TENT2: variants seen among roughly 807,000 people sequenced by gnomAD.
The protein encoded by TENT2 is terminal nucleotidyltransferase 2, also known as poly(A) RNA polymerase GLD2.
In TENT2, 44 loss-of-function variants were observed where a neutral mutation model predicts 72.2. The ratio of observed to expected loss-of-function variants is 0.61; its 90% CI spans 0.48 to 0.78. The LOEUF is 0.78. Ranked by LOEUF, TENT2 falls within the 30% of genes least tolerant of loss-of-function variation. The pLI, the probability that TENT2 is intolerant of heterozygous loss-of-function variation, is 0.00. For missense variants in TENT2, 541 were observed against 569.6 expected, an observed-to-expected ratio of 0.95 and a Z score of 0.51; for synonymous variants, 212 against 192.5, an observed-to-expected ratio of 1.10 and a Z score of -0.84.
Position 79,641,130 on chromosome 5 carries a change from C to G in TENT2, c.606C>G (p.Ser202=), listed in dbSNP as rs983421006. 95 of 1,568,906 alleles carry G rather than the reference C, an allele frequency of 6.1e-5. No individual in the cohort carries two copies. In the East Asian group the frequency reaches 2.2e-3, roughly 36 times the overall value. The change falls in exon 6 of 15, where the codon TCC becomes TCG. Residue 202 remains serine (S), a synonymous_variant. Coordinates refer to ENST00000453514, the MANE Select transcript of TENT2 (RefSeq NM_001114394.3). ...AAAGCAGACTTTTTTTGGTTGGGTCCTCTTTAAATGGATTTGGTACCCGGA... is the reference window on the plus strand; with the variant it reads ...AAAGCAGACTTTTTTTGGTTGGGTCGTCTTTAAATGGATTTGGTACCCGGA... ...FPQSRLFLVG[S]SLNGFGTRSS...
At chr5:79,651,632 A>T (rs543722432) in intron 10 of TENT2, among the ~76,000 whole-genome samples, 1 of 152,034 alleles carries the variant, frequency 6.6e-6, no homozygotes, top group Non-Finnish European at 1.5e-5. Context: ...ACAGCTTAGT[A>T]ACCTTTCCTC....
Position 79,685,417 on chromosome 5 carries a change from C to T in TENT2, c.*144C>T, listed in dbSNP as rs1193788178. On this transcript the variant is annotated 3_prime_UTR_variant, in exon 15 of 15. Transcript: ENST00000453514. ...TTTTTAAAAAGACATATAAAGATTG[C>T]ATATTTTATTATGACATTTCCTAAT... 1.8e-5 allele frequency: 9 copies of T among 504,540 alleles called. No homozygotes were observed. The highest frequency in any genetic ancestry group is 8.2e-5 in the Admixed American group (2 of 24,410). The allele number at this position is 504,540 out of a possible 1,614,324, so 31.3% of individuals were successfully genotyped here. A position where few individuals can be genotyped will look rare whatever the true frequency, so the allele number is the denominator to read the frequency against.
At chr5:79,683,471 C>G (rs1004638371) in intron 14 of TENT2, among the ~76,000 whole-genome samples, 1 of 152,004 alleles carries the variant, frequency 6.6e-6, no homozygotes, top group Non-Finnish European at 1.5e-5. Context: ...GATTGTGCCA[C>G]CGCACTCCAG....
intron 1 of TENT2, among the ~76,000 whole-genome samples, chr5:79,619,268 G>C (rs1436644790): frequency 2.0e-5 from 3 of 152,170 alleles, no homozygotes; most frequent in Non-Finnish European, 2.9e-5. Context: ...GTATAAATTA[G>C]TTTGAGAATA....
At chr5:79,619,419 T>C (rs1762988211) in intron 1 of TENT2, among the ~76,000 whole-genome samples, 193 bp from the exon 2 acceptor site, 1 of 152,216 alleles carries the variant, frequency 6.6e-6, no homozygotes, top group Non-Finnish European at 1.5e-5. Flanking sequence ...TTGAATTATG[T>C]TAATCTTAGA....
intron 4 of TENT2, among the ~76,000 whole-genome samples, chr5:79,624,826 G>A (rs1249028800): frequency 1.3e-5 from 2 of 152,158 alleles, no homozygotes; most frequent in Non-Finnish European, 2.9e-5. Flanking sequence ...TTTCTGGGTT[G>A]TTTCCACTTT....
chr5:79,662,472 G>A (rs996407033), intron 11 of TENT2, among the ~76,000 whole-genome samples: 3 of 152,146 alleles, frequency 2.0e-5, no homozygotes, highest in African/African-American at 7.2e-5. Flanking sequence ...CTTGTGAAAT[G>A]TATGTCTTAA....
At chr5:79,641,314 T>C (rs898133918) in intron 6 of TENT2, 118 bp downstream of exon 6, 3 of 797,030 alleles carry the variant, frequency 3.8e-6, no homozygotes, top group Non-Finnish European at 3.8e-6. Context: ...TTGAATTTTG[T>C]TTACCATAAT....
At chr5:79,684,698 ATAT>A (rs1220601351) in intron 14 of TENT2, among the ~76,000 whole-genome samples, 1 of 152,262 alleles carries the variant, frequency 6.6e-6, no homozygotes, top group Non-Finnish European at 1.5e-5. Context: ...CCGTGAATAA[ATAT>A]TAATATTGTC....
intron 11 of TENT2, among the ~76,000 whole-genome samples, chr5:79,664,740 G>A (rs1220284703): frequency 1.3e-5 from 2 of 152,022 alleles, no homozygotes; most frequent in Non-Finnish European, 2.9e-5. Flanking sequence ...TTTTCAGGAG[G>A]TAACCACACT....
chr5:79,678,050 A>G (rs1026790860), intron 12 of TENT2, among the ~76,000 whole-genome samples: 2 of 152,198 alleles, frequency 1.3e-5, no homozygotes, highest in African/African-American at 2.4e-5. Context: ...GCAATACATG[A>G]GGGATCTAAA....
intron 11 of TENT2, among the ~76,000 whole-genome samples, chr5:79,666,424 G>T (rs1342646779): frequency 1.3e-5 from 2 of 150,454 alleles, no homozygotes; most frequent in East Asian, 3.9e-4. Flanking sequence ...GTGCAGTGGT[G>T]CAATGATGAG....
intron 10 of TENT2, among the ~76,000 whole-genome samples, chr5:79,655,384 A>T (rs371382557): frequency 2.6e-5 from 4 of 152,266 alleles, no homozygotes; most frequent in South Asian, 2.1e-4. Context: ...GTCTCCTAGC[A>T]TTCTAGTTAT....
At chr5:79,666,133 C>T (rs1196656313) in intron 11 of TENT2, among the ~76,000 whole-genome samples, 5 of 151,138 alleles carry the variant, frequency 3.3e-5, no homozygotes, top group East Asian at 3.9e-4. Context: ...GGATTACAGG[C>T]GCCCGCCACC....
At chr5:79,659,378 C>A (rs1205539252) in intron 11 of TENT2, among the ~76,000 whole-genome samples, 2 of 150,392 alleles carry the variant, frequency 1.3e-5, no homozygotes, top group Non-Finnish European at 3.0e-5. Flanking sequence ...ACTAAAAATA[C>A]AAAAATTAGC....
chr5:79,622,594 T>G (rs1362566463), intron 3 of TENT2, among the ~76,000 whole-genome samples: 1 of 152,210 alleles, frequency 6.6e-6, no homozygotes, highest in Non-Finnish European at 1.5e-5. Flanking sequence ...CCTGCTTTTT[T>G]TCCTGAACCA....
At position 79,649,186 on chromosome 5, in the gene TENT2, A is replaced by G. The variant is rs147550984; in HGVS notation, c.1023A>G (p.Leu341=). ...TTGTATTGATGGTTTTGCACTATTT[A>G]CAAAGTAAGTATAATGGGGTTTTAC... ...YSLVLMVLHY[L]QTLPEPILPS... is the part of the protein sequence containing the mutation. The change falls in exon 10 of 15, where the codon TTA becomes TTG. Residue 341 remains leucine, a synonymous_variant. Transcript: ENST00000453514. The G allele has an allele frequency of 1.9e-6, 3 of 1,612,496 alleles. No individual in the cohort carries two copies. The highest frequency in any genetic ancestry group is 2.5e-6 in the Non-Finnish European group (3 of 1,179,040).
intron 11 of TENT2, among the ~76,000 whole-genome samples, chr5:79,657,836 T>C (rs972088701): frequency 1.3e-5 from 2 of 152,208 alleles, no homozygotes; most frequent in African/African-American, 4.8e-5. Flanking sequence ...CATATACTTA[T>C]AAGAAGAGCT....
intron 12 of TENT2, among the ~76,000 whole-genome samples, 180 bp downstream of exon 12, chr5:79,669,208 A>G (rs556516531): frequency 3.9e-5 from 6 of 152,352 alleles, no homozygotes; most frequent in East Asian, 1.9e-4. Flanking sequence ...CTATGTGACA[A>G]TGAATTATTG....
Sources: allele counts gnomAD v4.1 joint callset (sites outside exome capture counted in the v4.1 genomes callset), GRCh38; gene constraint gnomAD v4.1.1; transcripts MANE v1.5; gene names NCBI Gene and HGNC (gene_info 2026-07-23, HGNC 2026-07-21).